Variants in GRID2 observed in about 807,000 individuals in gnomAD.
GRID2 encodes the protein glutamate ionotropic receptor delta type subunit 2.
A neutral mutation model predicts 114.8 loss-of-function variants in GRID2; 33 were observed. The ratio of observed to expected loss-of-function variants is 0.29; its 90% CI spans 0.22 to 0.38. The LOEUF is 0.38. GRID2 is among the 10% of genes least tolerant of loss of function. GRID2 has a pLI of 1.00. For missense variants in GRID2, 1,184 were observed against 1,257.7 expected (o/e 0.94, Z 0.89); for synonymous variants, 505 against 449.9 (o/e 1.12, Z -1.55).
At chr4:93,644,385 A>G (rs1160971775) in intron 14 of GRID2, among the ~76,000 whole-genome samples, 1 of 152,164 alleles carries the variant, frequency 6.6e-6, no homozygotes, top group Non-Finnish European at 1.5e-5. Context: ...TCCATGAGCA[A>G]TGTCCATGGC....
intron 13 of GRID2, among the ~76,000 whole-genome samples, chr4:93,552,968 CT>C (rs1256634267): frequency 6.6e-6 from 1 of 151,904 alleles, no homozygotes; most frequent in African/African-American, 2.4e-5. Context: ...TGAACTCATC[CT>C]TTTTATGGCT....
intron 5 of GRID2, among the ~76,000 whole-genome samples, chr4:93,211,473 A>C (rs1743466688): frequency 6.6e-6 from 1 of 152,118 alleles, no homozygotes; most frequent in Non-Finnish European, 1.5e-5. Context: ...TATTTTGCAA[A>C]ATAAAACATC....
Position 93,728,610 on chromosome 4 carries a change from T to G in GRID2, c.2361-40600T>G, listed in dbSNP as rs1730172645. The stretch of plus-strand genomic sequence containing the variant: ...GTGTTAAAGTCTCCCATTATTATTG[T>G]GTTGGAGTCTAAGTCTCTTTGTAGG... On this transcript the variant is annotated intron_variant, in intron 14 of 15. Coordinates refer to ENST00000282020, the MANE Select transcript of GRID2 (RefSeq NM_001510.4). 3.9e-5 allele frequency among the ~76,000 whole-genome samples: 6 copies of G among 152,310 alleles called. No homozygotes were observed. The South Asian group carries it at 1.0e-3, about 26-fold the overall frequency.
intron 13 of GRID2, among the ~76,000 whole-genome samples, chr4:93,527,087 C>G (rs928485768): frequency 1.6e-4 from 24 of 152,144 alleles, no homozygotes; most frequent in Admixed American, 9.2e-4. Context: ...GGCCCTCCCT[C>G]TCCTCTCATT....
At chr4:93,052,459 A>G (rs1390798919) in intron 2 of GRID2, among the ~76,000 whole-genome samples, 6 of 151,982 alleles carry the variant, frequency 3.9e-5, no homozygotes, top group Admixed American at 1.3e-4. Flanking sequence ...TGCCAGGGTT[A>G]TATGGTGGAG....
intron 1 of GRID2, among the ~76,000 whole-genome samples, chr4:92,326,000 T>A (rs931489035): frequency 2.0e-5 from 3 of 151,964 alleles, no homozygotes; most frequent in African/African-American, 7.2e-5. Context: ...CATGTTTATG[T>A]AAGATAATTC....
chr4:93,789,873 G>A (rs1578796430), intron 1 of GRID2, among the ~76,000 whole-genome samples: 1 of 152,246 alleles, frequency 6.6e-6, no homozygotes, highest in East Asian at 1.9e-4. Context: ...GTTAGGAACT[G>A]GGCTGCACAG....
At chr4:92,692,458 C>T (rs953062379) in intron 2 of GRID2, among the ~76,000 whole-genome samples, 1 of 152,070 alleles carries the variant, frequency 6.6e-6, no homozygotes, top group Admixed American at 6.6e-5. Flanking sequence ...ATATTTATAT[C>T]CTCTGTATCA....
intron 1 of GRID2, among the ~76,000 whole-genome samples, chr4:92,567,118 A>G (rs1261945677): frequency 1.3e-5 from 2 of 152,172 alleles, no homozygotes; most frequent in East Asian, 3.9e-4. Flanking sequence ...CAGAAAAGTA[A>G]TATGTTAACA....
At chr4:93,136,515 C>G (rs1348273529) in intron 4 of GRID2, among the ~76,000 whole-genome samples, 1 of 152,002 alleles carries the variant, frequency 6.6e-6, no homozygotes, top group Non-Finnish European at 1.5e-5. Context: ...TTCATTTAAC[C>G]TTTAAGTTTA....
At chr4:93,302,141 T>G (rs986708691) in intron 8 of GRID2, among the ~76,000 whole-genome samples, 6 of 152,210 alleles carry the variant, frequency 3.9e-5, no homozygotes, top group African/African-American at 1.4e-4. Context: ...TCTTATGTTT[T>G]TGCTTTCAAC....
chr4:93,442,151 G>A (rs1475269125), intron 10 of GRID2, among the ~76,000 whole-genome samples: 3 of 152,012 alleles, frequency 2.0e-5, no homozygotes, highest in Non-Finnish European at 4.4e-5. Context: ...GCTACATTAA[G>A]TGAATTCTAC....
At chr4:93,010,211 G>A (rs1467297825) in intron 2 of GRID2, among the ~76,000 whole-genome samples, 1 of 151,834 alleles carries the variant, frequency 6.6e-6, no homozygotes, top group Non-Finnish European at 1.5e-5. Context: ...CTAAAGAGTC[G>A]ATGATAGATG....
chr4:93,625,125 C>A (rs1016396143), intron 13 of GRID2, among the ~76,000 whole-genome samples: 76 of 152,210 alleles, frequency 5.0e-4, no homozygotes, highest in Non-Finnish European at 1.6e-4. Flanking sequence ...GTTGTACTTG[C>A]AGCTTTCATT....
At chr4:92,942,759 G>C (rs1751262766) in intron 2 of GRID2, among the ~76,000 whole-genome samples, 1 of 152,174 alleles carries the variant, frequency 6.6e-6, no homozygotes, top group African/African-American at 2.4e-5. Flanking sequence ...TTTTAGGGCA[G>C]GCCTGGTGTT....
intron 2 of GRID2, among the ~76,000 whole-genome samples, chr4:92,622,537 A>AT (rs892715286): frequency 6.6e-6 from 1 of 151,710 alleles, no homozygotes; most frequent in South Asian, 2.1e-4. Flanking sequence ...GAATAATACT[A>AT]TTTTTTCCCC....
intron 1 of GRID2, among the ~76,000 whole-genome samples, chr4:93,804,273 G>C (rs1035002314): frequency 6.6e-6 from 1 of 152,134 alleles, no homozygotes; most frequent in African/African-American, 2.4e-5. Context: ...CTTAACCATG[G>C]AGATCCATTC....
intron 10 of GRID2, among the ~76,000 whole-genome samples, chr4:93,429,547 A>G (rs1769198255): frequency 6.6e-6 from 1 of 152,194 alleles, no homozygotes; most frequent in Non-Finnish European, 1.5e-5. Context: ...GCCTAATTTT[A>G]CCTGAGCGTT....
intron 13 of GRID2, among the ~76,000 whole-genome samples, chr4:93,580,262 C>A (rs1432285561): frequency 1.3e-5 from 2 of 152,116 alleles, no homozygotes; most frequent in Non-Finnish European, 2.9e-5. Context: ...ATCAGTTGAA[C>A]ATGGAGAAGG....
Sources: gnomAD v4.1 joint callset for allele counts (sites outside exome capture counted in the v4.1 genomes callset) on GRCh38, gnomAD v4.1.1 for gene constraint, MANE v1.5 for transcripts, NCBI Gene and HGNC (gene_info 2026-07-23, HGNC 2026-07-21) for gene names.